EPHA5: variants seen among roughly 807,000 people sequenced by gnomAD.
EPHA5 encodes EPH receptor A5.
A neutral mutation model predicts 105.0 loss-of-function variants in EPHA5; 60 were observed. The ratio of observed to expected loss-of-function variants is 0.57; its 90% CI spans 0.46 to 0.71. EPHA5 has a LOEUF of 0.71. Ranked by LOEUF, EPHA5 falls within the 30% of genes least tolerant of loss-of-function variation. EPHA5 has a pLI of 0.00. For missense variants in EPHA5, 1,218 were observed against 1,274.7 expected (o/e 0.96, Z 0.68); for synonymous variants, 513 against 449.1 (o/e 1.14, Z -1.80).
intron 14 of EPHA5, among the ~76,000 whole-genome samples, chr4:65,346,674 C>T (rs150831450): frequency 0.066 from 9,969 of 152,086 alleles, 411 homozygotes; most frequent in Admixed American, 0.13. Flanking sequence ...AAAGAGACTA[C>T]CATCAGAGTG....
intron 2 of EPHA5, among the ~76,000 whole-genome samples, chr4:65,621,990 G>C (rs946641449): frequency 2.0e-5 from 3 of 152,086 alleles, no homozygotes; most frequent in African/African-American, 4.8e-5. Context: ...AAATTAATCT[G>C]AGTACATTTT....
intron 14 of EPHA5, among the ~76,000 whole-genome samples, chr4:65,346,959 T>C (rs1468611492): frequency 6.6e-6 from 1 of 152,196 alleles, no homozygotes; most frequent in Non-Finnish European, 1.5e-5. Context: ...TGTAGGTACC[T>C]ACAATTAGTC....
chr4:65,395,915 A>ACAC (rs1243466513), intron 8 of EPHA5, among the ~76,000 whole-genome samples: 1 of 152,194 alleles, frequency 6.6e-6, no homozygotes, highest in Non-Finnish European at 1.5e-5. Context: ...GGGGGAGGTG[A>ACAC]GGCCATGGTT....
At chr4:65,533,673 G>A (rs542421063) in intron 3 of EPHA5, among the ~76,000 whole-genome samples, 5 of 152,206 alleles carry the variant, frequency 3.3e-5, no homozygotes, top group South Asian at 2.1e-4. Context: ...AGTGGCTCAC[G>A]CCTGTAATCC....
At chr4:65,606,666 T>A (rs1560764860) in intron 2 of EPHA5, among the ~76,000 whole-genome samples, 1 of 152,182 alleles carries the variant, frequency 6.6e-6, no homozygotes, top group Non-Finnish European at 1.5e-5. Flanking sequence ...GATAACTAAG[T>A]TTATTTTATT....
At chr4:65,585,625 GA>G (rs1742047757) in intron 3 of EPHA5, among the ~76,000 whole-genome samples, 1 of 151,458 alleles carries the variant, frequency 6.6e-6, no homozygotes, top group Admixed American at 6.6e-5. Context: ...ACTTATTTGG[GA>G]AAAACAAAAC....
Position 65,503,588 on chromosome 4 carries a change from C to T in EPHA5, c.911-8045G>A, listed in dbSNP as rs138180828. On this transcript the variant is annotated intron_variant, in intron 3 of 16. Coordinates refer to ENST00000613740, the MANE Select transcript of EPHA5 (RefSeq NM_001281766.3). ...ACAATGTATTTTTAATTTATGCTCA[C>T]CAAATATTGGCAGAAATTCAAAGAT... Among the ~76,000 whole-genome samples, 30 of 151,470 alleles carry T rather than the reference C, an allele frequency of 2.0e-4. No individual in the cohort carries two copies. In the East Asian group the frequency reaches 4.1e-3, roughly 21 times the overall value.
rs1277831705 is a variant in EPHA5, at chr4:65,491,470, T to C, written c.1067-758A>G. 2.0e-5 allele frequency among the ~76,000 whole-genome samples: 3 copies of C among 152,140 alleles called. No homozygotes were observed. In the East Asian group the frequency reaches 5.8e-4, roughly 29 times the overall value. Reference sequence around the variant, plus strand: ...AAGCGTTCAGATTTTGAAGGATCAATAGAATAAATTTCAACCTCTAATAAC... The same window carrying C: ...AAGCGTTCAGATTTTGAAGGATCAACAGAATAAATTTCAACCTCTAATAAC... On this transcript the variant is annotated intron_variant, in intron 4 of 16. Coordinates refer to ENST00000613740, the MANE Select transcript of EPHA5 (RefSeq NM_001281766.3).
intron 11 of EPHA5, among the ~76,000 whole-genome samples, chr4:65,362,813 T>C (rs1717456798): frequency 6.6e-6 from 1 of 151,718 alleles, no homozygotes; most frequent in South Asian, 2.1e-4. Flanking sequence ...AAATATAATA[T>C]GTTTACATAA....
At chr4:65,406,471 T>G (rs1333143251) in intron 7 of EPHA5, among the ~76,000 whole-genome samples, 1 of 152,194 alleles carries the variant, frequency 6.6e-6, no homozygotes, top group Non-Finnish European at 1.5e-5. Context: ...CGTCCCTCTC[T>G]ATGAAGCACT....
At chr4:65,604,488 T>C (rs531850905) in intron 2 of EPHA5, among the ~76,000 whole-genome samples, 1 of 152,294 alleles carries the variant, frequency 6.6e-6, no homozygotes, top group Admixed American at 6.5e-5. Context: ...TTAATATTTC[T>C]AGTGAGCAAA....
rs561880571 is a variant in EPHA5, at chr4:65,546,883, C to G, written c.911-51340G>C. 6.0e-4 allele frequency among the ~76,000 whole-genome samples: 91 copies of G among 151,898 alleles called. 1 individual carries two copies. In the South Asian group the frequency reaches 0.017, roughly 29 times the overall value. On this transcript the variant is annotated intron_variant, in intron 3 of 16. Coordinates refer to ENST00000613740, the MANE Select transcript of EPHA5 (RefSeq NM_001281766.3). ...TTTTTTTTGTTTTTCTAATTCAAGA[C>G]AACTAAATCCATTTCCAGCCCAACT...
At chr4:65,438,034 A>G (rs1725650757) in intron 5 of EPHA5, among the ~76,000 whole-genome samples, 3 of 151,980 alleles carry the variant, frequency 2.0e-5, no homozygotes, top group Admixed American at 6.6e-5. Flanking sequence ...CTGCTTATAC[A>G]GCATCATAGT....
rs79067422 is a variant in EPHA5, at chr4:65,361,216, C to G, written c.2173+3801G>C. 8.1e-3 allele frequency among the ~76,000 whole-genome samples: 1,221 copies of G among 151,550 alleles called. 12 individuals carry two copies. The highest frequency in any genetic ancestry group is 0.028 in the African/African-American group (1,145 of 41,370). On this transcript the variant is annotated intron_variant, in intron 11 of 16. Coordinates refer to ENST00000613740, the MANE Select transcript of EPHA5 (RefSeq NM_001281766.3). ...GCCTACTTTATGCCAGGCAGGCACT[C>G]AAGATTGAAGGAAAAATGAAGATAA...
chr4:65,580,445 T>C (rs1191533679), intron 3 of EPHA5, among the ~76,000 whole-genome samples: 1 of 151,784 alleles, frequency 6.6e-6, no homozygotes, highest in Non-Finnish European at 1.5e-5. Context: ...TAAAATGCAG[T>C]CCTTCCAATG....
intron 7 of EPHA5, among the ~76,000 whole-genome samples, chr4:65,404,983 T>C (rs1216913534): frequency 6.6e-6 from 1 of 152,116 alleles, no homozygotes; most frequent in Non-Finnish European, 1.5e-5. Context: ...TGAAGTAAAA[T>C]ATAATATCAC....
At chr4:65,581,155 A>G (rs1560729685) in intron 3 of EPHA5, among the ~76,000 whole-genome samples, 1 of 151,606 alleles carries the variant, frequency 6.6e-6, no homozygotes, top group Non-Finnish European at 1.5e-5. Flanking sequence ...TCCTTTGGTG[A>G]CTCGGGTCCT....
intron 8 of EPHA5, among the ~76,000 whole-genome samples, chr4:65,388,800 CAGA>C: frequency 6.6e-6 from 1 of 150,634 alleles, no homozygotes; most frequent in African/African-American, 2.4e-5. Context: ...TTTTGCTGTG[CAGA>C]AGCTCTTTAG....
chr4:65,384,272 A>G (rs578198399), intron 8 of EPHA5, among the ~76,000 whole-genome samples: 2 of 152,036 alleles, frequency 1.3e-5, no homozygotes, highest in Admixed American at 1.3e-4. Flanking sequence ...CTCTATCAAT[A>G]TTTCTGTGTT....
Sources: gnomAD v4.1 joint callset for allele counts (sites outside exome capture counted in the v4.1 genomes callset) on GRCh38, gnomAD v4.1.1 for gene constraint, MANE v1.5 for transcripts, NCBI Gene and HGNC (gene_info 2026-07-23, HGNC 2026-07-21) for gene names.